Variants in GRID2 observed in about 807,000 individuals in gnomAD.
GRID2 encodes glutamate receptor ionotropic, delta-2.
In GRID2, 33 loss-of-function variants were observed where a neutral mutation model predicts 114.8. That is an observed-to-expected ratio of 0.29 (90% CI 0.22 to 0.38). The LOEUF (loss-of-function observed/expected upper bound fraction) is 0.38. Ranked by LOEUF, GRID2 falls within the 10% of genes least tolerant of loss-of-function variation. The pLI, the probability that GRID2 is intolerant of heterozygous loss-of-function variation, is 1.00. For missense variants in GRID2, 1,184 were observed against 1,257.7 expected, an observed-to-expected ratio of 0.94 and a Z score of 0.89; for synonymous variants, 505 against 449.9, an observed-to-expected ratio of 1.12 and a Z score of -1.55.
At chr4:92,428,984 T>C (rs1340053498) in intron 1 of GRID2, among the ~76,000 whole-genome samples, 1 of 152,138 alleles carries the variant, frequency 6.6e-6, no homozygotes, top group African/African-American at 2.4e-5. Flanking sequence ...TCATATACAT[T>C]AGCTATTTCT....
At chr4:92,529,643 G>A (rs962557858) in intron 1 of GRID2, among the ~76,000 whole-genome samples, 9 of 152,092 alleles carry the variant, frequency 5.9e-5, no homozygotes, top group African/African-American at 1.7e-4. Flanking sequence ...ACTAAGCAGG[G>A]ATTGGGTTGT....
chr4:93,293,316 C>T (rs929307529), intron 8 of GRID2, among the ~76,000 whole-genome samples: 5 of 152,002 alleles, frequency 3.3e-5, no homozygotes, highest in African/African-American at 7.2e-5. Context: ...TACAGTTATA[C>T]GCTGCTGAGT....
At chr4:93,096,731 AACAT>A (rs1731260561) in intron 3 of GRID2, among the ~76,000 whole-genome samples, 1 of 151,978 alleles carries the variant, frequency 6.6e-6, no homozygotes, top group South Asian at 2.1e-4. Context: ...TGGAATGTAA[AACAT>A]ACAGCCACTT....
intron 13 of GRID2, among the ~76,000 whole-genome samples, chr4:93,624,005 A>G (rs1428692860): frequency 6.6e-6 from 1 of 152,128 alleles, no homozygotes; most frequent in Non-Finnish European, 1.5e-5. Context: ...TGTTATGTCT[A>G]TACAGAAACT....
intron 1 of GRID2, among the ~76,000 whole-genome samples, chr4:92,415,615 G>C (rs1294036120): frequency 1.3e-5 from 2 of 151,044 alleles, no homozygotes; most frequent in African/African-American, 2.4e-5. Flanking sequence ...ATGGTCTCCA[G>C]CTCCATCCAG....
At chr4:93,502,621 C>G (rs1728219136) in intron 12 of GRID2, among the ~76,000 whole-genome samples, 1 of 151,672 alleles carries the variant, frequency 6.6e-6, no homozygotes, top group South Asian at 2.1e-4. Flanking sequence ...TCTGTTTGAC[C>G]CCATCAATTC....
At chr4:92,605,261 G>A (rs1230424856) in intron 2 of GRID2, among the ~76,000 whole-genome samples, 1 of 151,968 alleles carries the variant, frequency 6.6e-6, no homozygotes, top group Non-Finnish European at 1.5e-5. Flanking sequence ...AGAAGGGGAG[G>A]CCAAATGACG....
chr4:93,691,431 A>G (rs992757268), intron 14 of GRID2, among the ~76,000 whole-genome samples: 1 of 152,140 alleles, frequency 6.6e-6, no homozygotes, highest in Non-Finnish European at 1.5e-5. Flanking sequence ...TTTTAAGCAT[A>G]AAACCAAGGA....
chr4:92,855,681 A>C (rs1030483849), intron 2 of GRID2, among the ~76,000 whole-genome samples: 2 of 151,972 alleles, frequency 1.3e-5, no homozygotes, highest in Middle Eastern at 3.2e-3. Context: ...AAAAATAACC[A>C]TTGTTGTTTA....
At chr4:92,322,840 A>G (rs757714501) in intron 1 of GRID2, among the ~76,000 whole-genome samples, 99 of 152,160 alleles carry the variant, frequency 6.5e-4, no homozygotes, top group Non-Finnish European at 1.1e-3. Context: ...GAGGACTTTT[A>G]CTTTTTCCTT....
chr4:92,771,118 G>A (rs1420553366), intron 2 of GRID2, among the ~76,000 whole-genome samples: 1 of 152,068 alleles, frequency 6.6e-6, no homozygotes, highest in East Asian at 1.9e-4. Flanking sequence ...AACATAATTT[G>A]CTTTAACCCA....
At chr4:93,056,342 T>A (rs1282529265) in intron 2 of GRID2, among the ~76,000 whole-genome samples, 9 of 151,888 alleles carry the variant, frequency 5.9e-5, no homozygotes, top group Non-Finnish European at 5.9e-5. Flanking sequence ...ACCACACTGA[T>A]CATTCACTTG....
chr4:92,639,046 G>T (rs1289638225), intron 2 of GRID2, among the ~76,000 whole-genome samples: 2 of 151,224 alleles, frequency 1.3e-5, no homozygotes, highest in African/African-American at 2.4e-5. Context: ...TTTTATAATG[G>T]TATTTTCAAT....
chr4:93,619,819 C>A (rs895663463), intron 13 of GRID2, among the ~76,000 whole-genome samples: 2 of 152,208 alleles, frequency 1.3e-5, no homozygotes, highest in Admixed American at 6.5e-5. Flanking sequence ...GAGGAAGCTG[C>A]ATGCTTTCTG....
intron 13 of GRID2, among the ~76,000 whole-genome samples, chr4:93,597,221 A>AT (rs200935760): frequency 1.1e-4 from 17 of 152,290 alleles, no homozygotes; most frequent in Admixed American, 9.2e-4. Context: ...AAAGTCAGCT[A>AT]TTTTTTTAAC....
intron 14 of GRID2, among the ~76,000 whole-genome samples, chr4:93,631,317 T>C (rs947405557): frequency 3.9e-5 from 6 of 152,124 alleles, no homozygotes; most frequent in Non-Finnish European, 7.4e-5. Flanking sequence ...GCTGCACCCA[T>C]TAACTCATCA....
At chr4:93,059,836 T>G (rs968482925) in intron 2 of GRID2, among the ~76,000 whole-genome samples, 10 of 151,586 alleles carry the variant, frequency 6.6e-5, no homozygotes, top group African/African-American at 2.4e-4. Flanking sequence ...TTCTGAGAAG[T>G]ATGTTTTTAA....
rs569502238 is a variant in GRID2 at position 93,786,556 on chromosome 4, C to G, written c.221+17106C>G. On this transcript the variant is annotated intron_variant, in intron 1 of 1. Coordinates refer to the GRID2 transcript ENST00000637838. Reference sequence around the variant, plus strand: ...ATTTTTTTTGTAACTGCATGAAAGGCAAAAGTATGGATGTGAATGCAAATA... The same window carrying G: ...ATTTTTTTTGTAACTGCATGAAAGGGAAAAGTATGGATGTGAATGCAAATA... 4.6e-5 allele frequency among the ~76,000 whole-genome samples: 7 copies of G among 152,228 alleles called. No individual in the cohort carries two copies. In the South Asian group the frequency reaches 1.5e-3, roughly 32 times the overall value.
At chr4:92,817,733 A>G (rs527811913) in intron 2 of GRID2, among the ~76,000 whole-genome samples, 53 of 151,338 alleles carry the variant, frequency 3.5e-4, no homozygotes, top group Non-Finnish European at 6.9e-4. Flanking sequence ...GTGTCTCACT[A>G]TATTGCCCAT....
Sources: gnomAD v4.1 joint callset for allele counts (sites outside exome capture counted in the v4.1 genomes callset) on GRCh38, gnomAD v4.1.1 for gene constraint, MANE v1.5 for transcripts, NCBI Gene and HGNC (gene_info 2026-07-23, HGNC 2026-07-21) for gene names.